Variants in ZNF804A observed in about 807,000 individuals in gnomAD.
ZNF804A encodes zinc finger protein 804A.
Under a neutral mutation model 16.5 loss-of-function variants are expected in ZNF804A, and 2 were observed. That is an observed-to-expected ratio of 0.12 (90% CI 0.05 to 0.38). The LOEUF (loss-of-function observed/expected upper bound fraction) is 0.38. ZNF804A is among the 10% of genes least tolerant of loss of function. ZNF804A has a pLI of 0.99. For synonymous variants in ZNF804A, 534 were observed against 489.6 expected (o/e 1.09, Z -1.20); for missense variants, 1,473 against 1,390.7 (o/e 1.06, Z -0.94).
intron 1 of ZNF804A, among the ~76,000 whole-genome samples, chr2:184,772,794 C>T (rs775198977): frequency 1.3e-5 from 2 of 151,230 alleles, no homozygotes; most frequent in Non-Finnish European, 3.0e-5. Flanking sequence ...ATATCCTAAC[C>T]AAAACTTGTT....
In ZNF804A at chr2:184,938,610, G is replaced by A. The variant is rs1685837264; in HGVS notation, c.3214G>A (p.Ala1072Thr). 6.2e-7 allele frequency: 1 copy of A among 1,613,842 alleles called. No individual in the cohort carries two copies. Among genetic ancestry groups the A allele is most frequent in the African/African-American group, 1.3e-5 (1 of 74,868 alleles). Residue 1072 changes from alanine to threonine, a missense_variant, in exon 4 of 4, where the codon GCT (alanine) becomes ACT (threonine). Physicochemically the swap from Ala to Thr is moderately conservative, Grantham distance 58 (BLOSUM62 0). Coordinates refer to ENST00000302277, the MANE Select transcript of ZNF804A (RefSeq NM_194250.2). ...CAAGGTTAAATTTACCTTTCCTCCA[G>A]CTGCCCTCCCACCCCCTAGCACACC... ...ANKVKFTFPP[A>T]ALPPPSTPLQ...
At chr2:184,925,422 T>C (rs888800241) in intron 2 of ZNF804A, among the ~76,000 whole-genome samples, 1 of 151,986 alleles carries the variant, frequency 6.6e-6, no homozygotes, top group Non-Finnish European at 1.5e-5. Flanking sequence ...TCTGTGTGTG[T>C]TTTTATAGGT....
chr2:184,919,802 G>T (rs1559002857), intron 2 of ZNF804A, among the ~76,000 whole-genome samples: 1 of 152,092 alleles, frequency 6.6e-6, no homozygotes, highest in East Asian at 1.9e-4. Flanking sequence ...TGTCATCAGT[G>T]CTCTTCAGGG....
At chr2:184,787,146 T>A (rs1694460776) in intron 1 of ZNF804A, among the ~76,000 whole-genome samples, 2 of 152,050 alleles carry the variant, frequency 1.3e-5, no homozygotes, top group South Asian at 4.1e-4. Flanking sequence ...CAGAGGTTAT[T>A]CTCTTCATCT....
intron 1 of ZNF804A, among the ~76,000 whole-genome samples, chr2:184,704,092 T>C (rs969279985): frequency 2.6e-5 from 4 of 152,072 alleles, no homozygotes; most frequent in Admixed American, 6.5e-5. Context: ...GATAAGTGAA[T>C]CTATAGTAAT....
chr2:184,705,503 T>C (rs1483114709), intron 1 of ZNF804A, among the ~76,000 whole-genome samples: 1 of 152,210 alleles, frequency 6.6e-6, no homozygotes, highest in Non-Finnish European at 1.5e-5. Context: ...ATTTAATAAA[T>C]GTTTTCTGCT....
At chr2:184,750,828 C>T (rs563309529) in intron 1 of ZNF804A, among the ~76,000 whole-genome samples, 14 of 151,374 alleles carry the variant, frequency 9.2e-5, no homozygotes, top group African/African-American at 3.4e-4. Context: ...CCTCCATGTA[C>T]CACCTCTCCT....
chr2:184,931,853 T>G (rs1408224519), intron 2 of ZNF804A, among the ~76,000 whole-genome samples: 1 of 152,196 alleles, frequency 6.6e-6, no homozygotes, highest in African/African-American at 2.4e-5. Flanking sequence ...AAAATAACTT[T>G]GTGAATACAT....
rs752681458 is a variant in ZNF804A, at chr2:184,936,428, A to G, written c.1032A>G (p.Glu344=). 2 of 1,613,878 alleles carry G rather than the reference A, an allele frequency of 1.2e-6. No homozygotes were observed. The highest frequency in any genetic ancestry group is 1.7e-6 in the Non-Finnish European group (2 of 1,179,940). Residue 344 remains glutamate (E), a synonymous_variant, in exon 4 of 4, where the codon GAA becomes GAG. Coordinates refer to ENST00000302277, the MANE Select transcript of ZNF804A (RefSeq NM_194250.2). ...QIPLESVVIN[E]DIPVSGNSFE... ...CACTAGAGAGTGTTGTTATTAATGAAGACATACCTGTTAGTGGTAACAGTT... is the reference window on the plus strand; with the variant it reads ...CACTAGAGAGTGTTGTTATTAATGAGGACATACCTGTTAGTGGTAACAGTT...
At chr2:184,685,478 T>C (rs1692613783) in intron 1 of ZNF804A, among the ~76,000 whole-genome samples, 1 of 152,136 alleles carries the variant, frequency 6.6e-6, no homozygotes, top group African/African-American at 2.4e-5. Flanking sequence ...TGTAGGGTCC[T>C]GAGTTCTTGG....
At chr2:184,599,105 T>C (rs1189996675) in intron 1 of ZNF804A, 35 bp downstream of exon 1, 15 of 1,206,890 alleles carry the variant, frequency 1.2e-5, no homozygotes, top group African/African-American at 3.2e-5. Context: ...CTCTCTCTCA[T>C]ATTTAAGAGG....
intron 1 of ZNF804A, among the ~76,000 whole-genome samples, chr2:184,637,399 T>G (rs1691718589): frequency 1.3e-5 from 2 of 152,310 alleles, no homozygotes; most frequent in South Asian, 4.1e-4. Flanking sequence ...GGAGAATATT[T>G]CCAGTAAAAT....
chr2:184,717,555 A>G (rs1406105742), intron 1 of ZNF804A, among the ~76,000 whole-genome samples: 1 of 152,230 alleles, frequency 6.6e-6, no homozygotes, highest in African/African-American at 2.4e-5. Context: ...AATTCACACA[A>G]GTAAGATTCT....
intron 1 of ZNF804A, among the ~76,000 whole-genome samples, chr2:184,623,050 A>G (rs1230487722): frequency 6.6e-6 from 1 of 152,086 alleles, no homozygotes; most frequent in East Asian, 1.9e-4. Flanking sequence ...GCAGTGGGTT[A>G]TATGAGCAAC....
intron 2 of ZNF804A, among the ~76,000 whole-genome samples, chr2:184,877,668 C>T (rs1684730160): frequency 6.6e-6 from 1 of 151,808 alleles, no homozygotes; most frequent in African/African-American, 2.4e-5. Context: ...AATAGCATTC[C>T]CAGAGTCTGG....
intron 1 of ZNF804A, among the ~76,000 whole-genome samples, chr2:184,703,709 A>AAAAAAAAAAAAAG (rs1559130457): frequency 7.6e-6 from 1 of 131,364 alleles, no homozygotes; most frequent in African/African-American, 2.6e-5. Context: ...AAAAAAAAAA[A>AAAAAAAAAAAAAG]AAAGAAAGAA....
At chr2:184,762,032 G>C (rs536575054) in intron 1 of ZNF804A, among the ~76,000 whole-genome samples, 1 of 152,120 alleles carries the variant, frequency 6.6e-6, no homozygotes, top group South Asian at 2.1e-4. Context: ...GTATAGCTTA[G>C]ATGCTGAAAG....
chr2:184,842,249 A>G (rs1466132174), intron 1 of ZNF804A, among the ~76,000 whole-genome samples: 1 of 152,148 alleles, frequency 6.6e-6, no homozygotes, highest in African/African-American at 2.4e-5. Context: ...TTCAAGACAA[A>G]GCAGAATTAA....
At chr2:184,815,423 T>C (rs921178087) in intron 1 of ZNF804A, among the ~76,000 whole-genome samples, 3 of 151,902 alleles carry the variant, frequency 2.0e-5, no homozygotes, top group Non-Finnish European at 2.9e-5. Context: ...TATTGTGCTA[T>C]GTTCATAATT....
Sources: gnomAD v4.1 joint callset for allele counts (sites outside exome capture counted in the v4.1 genomes callset) on GRCh38, gnomAD v4.1.1 for gene constraint, MANE v1.5 for transcripts, NCBI Gene and HGNC (gene_info 2026-07-23, HGNC 2026-07-21) for gene names.